EYA2: variants seen among roughly 807,000 people sequenced by gnomAD.
EYA2 encodes protein phosphatase EYA2.
A neutral mutation model predicts 69.2 loss-of-function variants in EYA2; 31 were observed. That is an observed-to-expected ratio of 0.45 (90% confidence interval 0.34 to 0.60). EYA2 has a LOEUF of 0.60. Among genes scored for constraint, EYA2 ranks in the 20% least tolerant of loss-of-function variants. The pLI, the probability that EYA2 is intolerant of heterozygous loss-of-function variation, is 0.02. For missense variants in EYA2, 622 were observed against 701.2 expected, an observed-to-expected ratio of 0.89 and a Z score of 1.28; for synonymous variants, 257 against 279.4, an observed-to-expected ratio of 0.92 and a Z score of 0.80.
chr20:46,979,309 G>C (rs1408604177), intron 1 of EYA2, among the ~76,000 whole-genome samples: 1 of 152,168 alleles, frequency 6.6e-6, no homozygotes, highest in Non-Finnish European at 1.5e-5. Context: ...CAGGGACAGG[G>C]GTGGTGACAA....
intron 3 of EYA2, among the ~76,000 whole-genome samples, chr20:47,003,194 A>C (rs962244259): frequency 1.3e-5 from 2 of 152,150 alleles, no homozygotes; most frequent in Non-Finnish European, 1.5e-5. Context: ...CAAATTCTCT[A>C]TCTGCTGTAT....
Position 46,986,036 on chromosome 20 carries a change from G to A in EYA2, c.-10-3965G>A, listed in dbSNP as rs529819054. 2.0e-3 allele frequency among the ~76,000 whole-genome samples: 309 copies of A among 152,030 alleles called. 1 individual carries two copies. The highest frequency in any genetic ancestry group is 3.5e-3 in the Non-Finnish European group (241 of 67,998). On this transcript the variant is annotated intron_variant, in intron 1 of 15. Transcript: ENST00000327619. ...TTTGCACATACCGAAAAGAATGAAG[G>A]GAATGAGTTTAGATAAGATGCAAAT...
chr20:47,136,414 C>T (rs1362245137), intron 9 of EYA2, among the ~76,000 whole-genome samples: 2 of 152,172 alleles, frequency 1.3e-5, no homozygotes, highest in Non-Finnish European at 1.5e-5. Flanking sequence ...TAGTGATCCA[C>T]GAGGCAGATC....
chr20:47,080,001 G>A (rs1285380427), intron 7 of EYA2, among the ~76,000 whole-genome samples: 1 of 152,214 alleles, frequency 6.6e-6, no homozygotes, highest in Non-Finnish European at 1.5e-5. Context: ...CAGGCAATCT[G>A]TAGAACACTC....
intron 1 of EYA2, among the ~76,000 whole-genome samples, chr20:46,969,869 A>G (rs1980034327): frequency 6.6e-6 from 1 of 152,196 alleles, no homozygotes; most frequent in African/African-American, 2.4e-5. Flanking sequence ...TTGTGTACAA[A>G]CATCATTATA....
chr20:46,948,682 G>T (rs1360628832), intron 1 of EYA2, among the ~76,000 whole-genome samples: 10 of 152,070 alleles, frequency 6.6e-5, no homozygotes, highest in Admixed American at 6.6e-4. Context: ...CTCTCGTAAG[G>T]TTGCCTGGAA....
chr20:47,073,499 G>C (rs564251532), intron 6 of EYA2, among the ~76,000 whole-genome samples: 23 of 152,048 alleles, frequency 1.5e-4, no homozygotes, highest in Non-Finnish European at 3.2e-4. Context: ...TGTCGTGGGG[G>C]GGGGGTGCAG....
At chr20:46,983,161 G>A (rs1298557572) in intron 1 of EYA2, among the ~76,000 whole-genome samples, 1 of 152,032 alleles carries the variant, frequency 6.6e-6, no homozygotes, top group African/African-American at 2.4e-5. Context: ...CAGTTGCTAG[G>A]GACTCCGTGT....
chr20:47,178,806 T>G (rs1600774833), intron 12 of EYA2, among the ~76,000 whole-genome samples: 2 of 13,294 alleles, frequency 1.5e-4, no homozygotes, highest in Non-Finnish European at 2.6e-4. Context: ...GGTGGGTAGA[T>G]GGGTGGATGG....
At chr20:46,937,466 G>A (rs1023519412) in intron 1 of EYA2, among the ~76,000 whole-genome samples, 5 of 152,076 alleles carry the variant, frequency 3.3e-5, no homozygotes, top group African/African-American at 9.7e-5. Flanking sequence ...ACTTAATAAG[G>A]GTTAGTTACT....
chr20:46,968,550 C>T (rs1170025637), intron 1 of EYA2, among the ~76,000 whole-genome samples: 1 of 152,192 alleles, frequency 6.6e-6, no homozygotes, highest in Non-Finnish European at 1.5e-5. Flanking sequence ...TCATTCCCCT[C>T]CCCTTCACCA....
chr20:47,005,155 CT>C, intron 4 of EYA2, 71 bp downstream of exon 4: 2 of 1,544,734 alleles, frequency 1.3e-6, no homozygotes, highest in Non-Finnish European at 1.8e-6. Context: ...GCACTATTGT[CT>C]CAGCTAAATG....
intron 7 of EYA2, among the ~76,000 whole-genome samples, chr20:47,087,843 C>T (rs1237166229): frequency 6.6e-6 from 1 of 152,266 alleles, no homozygotes; most frequent in Non-Finnish European, 1.5e-5. Flanking sequence ...TCCTAACTGC[C>T]AGGCCTGTGC....
chr20:46,997,603 G>C (rs1350525778), intron 2 of EYA2: 1 of 152,272 alleles, frequency 6.6e-6, no homozygotes, highest in Non-Finnish European at 1.5e-5. Flanking sequence ...GCAAAGCTCA[G>C]AGTAAACAGA....
At chr20:47,109,645 A>G (rs56347839) in intron 9 of EYA2, among the ~76,000 whole-genome samples, 24,140 of 151,996 alleles carry the variant, frequency 0.16, 2,319 homozygotes, top group Non-Finnish European at 0.21. Context: ...AGCCTCCCAA[A>G]GTGCTGGGAT....
chr20:47,178,820 G>GGTGGGTGGATGGATGGATA (rs1568830239), intron 12 of EYA2, among the ~76,000 whole-genome samples: 1 of 40,336 alleles, frequency 2.5e-5, no homozygotes, highest in Non-Finnish European at 4.8e-5. Context: ...TGGATGGGTG[G>GGTGGGTGGATGGATGGATA]GTGGGTGGAT....
chr20:46,961,173 A>G (rs1979452124), intron 1 of EYA2, among the ~76,000 whole-genome samples: 1 of 152,138 alleles, frequency 6.6e-6, no homozygotes, highest in African/African-American at 2.4e-5. Flanking sequence ...CGTCTCTACT[A>G]AAAATACAAA....
intron 5 of EYA2, among the ~76,000 whole-genome samples, chr20:47,066,454 T>A (rs994514363): frequency 6.6e-6 from 1 of 152,178 alleles, no homozygotes; most frequent in Non-Finnish European, 1.5e-5. Context: ...AAAATAGCAA[T>A]GTCTTCAACA....
intron 5 of EYA2, among the ~76,000 whole-genome samples, chr20:47,039,614 A>G (rs1449678666): frequency 2.0e-5 from 3 of 152,154 alleles, no homozygotes; most frequent in Non-Finnish European, 4.4e-5. Context: ...AGTATCAACA[A>G]AATCACACCC....
Sources: gnomAD v4.1 joint callset for allele counts (sites outside exome capture counted in the v4.1 genomes callset) on GRCh38, gnomAD v4.1.1 for gene constraint, MANE v1.5 for transcripts, NCBI Gene and HGNC (gene_info 2026-07-23, HGNC 2026-07-21) for gene names.